Variants in KIAA0586 observed in about 807,000 individuals in gnomAD.
The protein encoded by KIAA0586 is KIAA0586, also known as protein TALPID3.
In KIAA0586, 144 loss-of-function variants were observed where a neutral mutation model predicts 169.8. The ratio of observed to expected loss-of-function variants is 0.85; its 90% CI spans 0.74 to 0.97. KIAA0586 has a LOEUF of 0.97. Ranked by LOEUF, KIAA0586 falls within the 50% of genes least tolerant of loss-of-function variation. The pLI is 0.00. For synonymous variants in KIAA0586, 625 were observed against 612.4 expected (o/e 1.02, Z -0.30); for missense variants, 1,854 against 1,823.0 (o/e 1.02, Z -0.31).
At chr14:58,456,946 C>A (rs1371798113) in intron 10 of KIAA0586, 136 bp downstream of exon 10, 1 of 610,966 alleles carries the variant, frequency 1.6e-6, no homozygotes, top group East Asian at 2.8e-5. Context: ...CACATCTGTT[C>A]CATTTATAAA....
At chr14:58,529,155 G>A (rs989637321) in intron 29 of KIAA0586, among the ~76,000 whole-genome samples, 1 of 152,138 alleles carries the variant, frequency 6.6e-6, no homozygotes, top group Non-Finnish European at 1.5e-5. Flanking sequence ...ACTAAACCAG[G>A]AAGAGGTCGA....
At chr14:58,456,619 A>G (rs1566820031) in intron 9 of KIAA0586, 83 bp from the exon 10 acceptor site, 2 of 715,476 alleles carry the variant, frequency 2.8e-6, no homozygotes, top group Non-Finnish European at 4.9e-6. Flanking sequence ...AGATTTGTGT[A>G]ATGAAATGTT....
chr14:58,544,870 A>C (rs558121066), intron 30 of KIAA0586, among the ~76,000 whole-genome samples: 16 of 152,356 alleles, frequency 1.1e-4, no homozygotes, highest in African/African-American at 3.8e-4. Context: ...AATATTTGAT[A>C]TCAGAATACT....
intron 6 of KIAA0586, among the ~76,000 whole-genome samples, chr14:58,447,484 T>TTTTATTTTA (rs2038995362): frequency 1.3e-5 from 2 of 150,610 alleles, no homozygotes; most frequent in Non-Finnish European, 3.0e-5. Context: ...TTTTGTTTTA[T>TTTTATTTTA]TTTATTTTGT....
rs774888789 is a variant in KIAA0586 at position 58,444,097 on chromosome 14, C to G, written c.729C>G (p.His243Gln). Residue 243 changes from histidine (H) to glutamine (Q), a missense_variant, in exon 6 of 31, where the codon CAC (histidine) becomes CAG (glutamine). Physicochemically the swap from His to Gln is conservative, Grantham distance 24. Coordinates refer to ENST00000652326, the MANE Select transcript of KIAA0586 (RefSeq NM_001329943.3). ...AAGAGAAATTACATTGTCATGATCA[C>G]GAAAAGCAAATGAATGTGTTTATGG... is the stretch of plus-strand genomic sequence containing the variant. ...RKQEKLHCHDHEKQMNVFMEQ... is the reference protein window; with the variant it reads ...RKQEKLHCHDQEKQMNVFMEQ... The G allele has an allele frequency of 3.1e-5, 50 of 1,613,414 alleles. No individual in the cohort carries two copies. The African/African-American group carries it at 5.1e-4, about 16-fold the overall frequency.
intron 27 of KIAA0586, among the ~76,000 whole-genome samples, chr14:58,500,807 G>C (rs1179843454): frequency 6.6e-6 from 1 of 152,076 alleles, no homozygotes; most frequent in African/African-American, 2.4e-5. Context: ...AAAAAAAGGG[G>C]ATGAAATCTG....
chr14:58,439,784 A>C (rs763554616), intron 4 of KIAA0586: 5 of 956,278 alleles, frequency 5.2e-6, no homozygotes, highest in Non-Finnish European at 5.0e-6. Flanking sequence ...AAGAGGAGTA[A>C]GTTTAAGAGT....
At chr14:58,464,011 A>T in intron 14 of KIAA0586, 1 of 453,598 alleles carries the variant, frequency 2.2e-6, no homozygotes, top group Non-Finnish European at 4.5e-6. Context: ...AGCAGATGCA[A>T]GATAAATTTC....
chr14:58,458,595 A>C (rs762962126), intron 12 of KIAA0586, 50 bp downstream of exon 12: 24 of 984,976 alleles, frequency 2.4e-5, no homozygotes, highest in Non-Finnish European at 3.5e-5. Flanking sequence ...AGAAGATAAT[A>C]TTGATTCCAA....
At chr14:58,480,850 T>C (rs1379351203) in intron 20 of KIAA0586, among the ~76,000 whole-genome samples, 1 of 152,152 alleles carries the variant, frequency 6.6e-6, no homozygotes, top group Admixed American at 6.5e-5. Flanking sequence ...AGGACAAAAA[T>C]AAACAACAAA....
intron 27 of KIAA0586, among the ~76,000 whole-genome samples, chr14:58,501,377 T>G (rs910475958): frequency 6.6e-6 from 1 of 152,264 alleles, no homozygotes; most frequent in African/African-American, 2.4e-5. Context: ...TATGTCCAGC[T>G]AAATTTGCAG....
intron 30 of KIAA0586, among the ~76,000 whole-genome samples, chr14:58,546,396 A>T (rs2046984251): frequency 6.6e-6 from 1 of 152,194 alleles, no homozygotes; most frequent in South Asian, 2.1e-4. Context: ...AGAACTGTCT[A>T]ATTATACTGT....
chr14:58,465,445 T>C (rs1018295356), intron 14 of KIAA0586, among the ~76,000 whole-genome samples: 6 of 152,248 alleles, frequency 3.9e-5, no homozygotes, highest in African/African-American at 1.4e-4. Flanking sequence ...TTTCTAGTTA[T>C]TATATCTATT....
At position 58,427,844 on chromosome 14, in the gene KIAA0586, A is replaced by T; in HGVS notation, c.-421A>T. Reference sequence around the variant, plus strand: ...TAAGACTCTGTGGCTGAAGAAAGCTATTACGCTTCTTATGTGGGTCATTAT... The same window carrying T: ...TAAGACTCTGTGGCTGAAGAAAGCTTTTACGCTTCTTATGTGGGTCATTAT... On this transcript the variant is annotated 5_prime_UTR_variant, in exon 1 of 31. Transcript: ENST00000652326. The T allele has an allele frequency of 7.0e-7, 1 of 1,420,094 alleles. No individual in the cohort carries two copies. Among genetic ancestry groups the T allele is most frequent in the Admixed American group, 2.8e-5 (1 of 35,332 alleles). The allele number at this position is 1,420,094 out of a possible 1,614,324, so 88.0% of individuals were successfully genotyped here. A position where few individuals can be genotyped will look rare whatever the true frequency, so the allele number is the denominator to read the frequency against.
chr14:58,518,914 T>C (rs2044972441), intron 29 of KIAA0586, among the ~76,000 whole-genome samples: 1 of 152,174 alleles, frequency 6.6e-6, no homozygotes. Context: ...GATGGATCAC[T>C]TGAGGTCAGG....
Position 58,547,684 on chromosome 14 carries a change from G to GC in KIAA0586, c.4496-90dup, listed in dbSNP as rs968605758. 130 of 946,860 alleles carry GC rather than the reference G, an allele frequency of 1.4e-4. 1 individual carries two copies. Among genetic ancestry groups the GC allele is most frequent in the African/African-American group, 2.9e-4 (17 of 59,378 alleles). 58.7% of individuals were successfully genotyped at this position (946,860 alleles called of 1,614,324 possible). On this transcript the variant is annotated intron_variant, in intron 30 of 30. Coordinates refer to ENST00000652326, the MANE Select transcript of KIAA0586 (RefSeq NM_001329943.3). ...TAGGCAATCCTTATTTGGAATCCGC[G>GC]CCCCCCCACCCCAACCTCATATTAT...
At chr14:58,502,236 A>C (rs992459070) in intron 27 of KIAA0586, among the ~76,000 whole-genome samples, 1 of 152,046 alleles carries the variant, frequency 6.6e-6, no homozygotes, top group African/African-American at 2.4e-5. Flanking sequence ...CCTGGGTTCA[A>C]GTGATTCTCC....
chr14:58,512,405 G>T, intron 28 of KIAA0586, 117 bp from the exon 29 acceptor site: 1 of 567,200 alleles, frequency 1.8e-6, no homozygotes, highest in Non-Finnish European at 3.0e-6. Context: ...GCAATAAAAA[G>T]CAACTAGAAA....
intron 20 of KIAA0586, among the ~76,000 whole-genome samples, chr14:58,478,848 G>A (rs892680259): frequency 1.3e-5 from 2 of 152,052 alleles, no homozygotes; most frequent in Non-Finnish European, 1.5e-5. Context: ...TATGTAGCCC[G>A]TTGTTAGCTG....
Sources: allele counts gnomAD v4.1 joint callset (sites outside exome capture counted in the v4.1 genomes callset), GRCh38; gene constraint gnomAD v4.1.1; transcripts MANE v1.5; gene names NCBI Gene and HGNC (gene_info 2026-07-23, HGNC 2026-07-21).